The following CSTPP1 variants were observed in gnomAD, a reference collection of about 807,000 sequenced individuals.
CSTPP1 encodes UPF0705 protein C11orf49.
chr11:47,016,839 C>CTTTTTTTT, the CSTPP1 span, among the ~76,000 whole-genome samples: 3 of 99,842 alleles, frequency 3.0e-5, no homozygotes, highest in African/African-American at 3.9e-5. Flanking sequence ...TCATTTAGTA[C>CTTTTTTTT]TTTTTTTTTT....
chr11:47,070,881 C>T, the CSTPP1 span, among the ~76,000 whole-genome samples: 2 of 152,136 alleles, frequency 1.3e-5, no homozygotes, highest in Non-Finnish European at 1.5e-5. Context: ...GCTTTCCAAC[C>T]ACTACTCTCC....
chr11:47,161,409 C>A, the CSTPP1 span: 1 of 1,605,630 alleles, frequency 6.2e-7, no homozygotes, highest in South Asian at 1.1e-5. Context: ...CATGGAGGCC[C>A]TGCTCTCTGT....
the CSTPP1 span, among the ~76,000 whole-genome samples, chr11:46,996,208 T>G: frequency 6.6e-6 from 1 of 152,216 alleles, no homozygotes; most frequent in Non-Finnish European, 1.5e-5. Context: ...TATAGCACAC[T>G]GATGGGTCTT....
At chr11:47,148,763 A>C in the CSTPP1 span, among the ~76,000 whole-genome samples, 2 of 152,180 alleles carry the variant, frequency 1.3e-5, no homozygotes, top group African/African-American at 4.8e-5. Flanking sequence ...CTGACTCTCC[A>C]CAAGAATCCT....
chr11:47,088,713 T>G, the CSTPP1 span, among the ~76,000 whole-genome samples: 5 of 151,974 alleles, frequency 3.3e-5, no homozygotes, highest in African/African-American at 1.2e-4. Flanking sequence ...CACTGGCTAA[T>G]TTTTGTATTT....
the CSTPP1 span, among the ~76,000 whole-genome samples, chr11:47,145,174 G>T: frequency 2.0e-5 from 3 of 151,852 alleles, no homozygotes; most frequent in African/African-American, 7.2e-5. Flanking sequence ...TCTTAGTAGA[G>T]ACTGGGTTTC....
At chr11:47,010,369 C>A in the CSTPP1 span, among the ~76,000 whole-genome samples, 5 of 152,100 alleles carry the variant, frequency 3.3e-5, no homozygotes, top group Admixed American at 3.3e-4. Flanking sequence ...TGTTCTTGGC[C>A]GAAGCAACGG....
chr11:47,084,667 G>T, the CSTPP1 span, among the ~76,000 whole-genome samples: 1 of 151,944 alleles, frequency 6.6e-6, no homozygotes, highest in Non-Finnish European at 1.5e-5. Flanking sequence ...TACTTGTTGT[G>T]GTTCCTTTGT....
At chr11:46,983,108 TCATTAA>T in the CSTPP1 span, among the ~76,000 whole-genome samples, 1 of 152,192 alleles carries the variant, frequency 6.6e-6, no homozygotes, top group African/African-American at 2.4e-5. Flanking sequence ...AATAATATAA[TCATTAA>T]CATGTTACAT....
At chr11:47,069,402 G>A in the CSTPP1 span, among the ~76,000 whole-genome samples, 5 of 152,268 alleles carry the variant, frequency 3.3e-5, no homozygotes, top group South Asian at 4.1e-4. Flanking sequence ...AGCCCAAAAC[G>A]TAATTGTAGT....
chr11:46,961,553 C>T, the CSTPP1 span, among the ~76,000 whole-genome samples: 2 of 152,026 alleles, frequency 1.3e-5, no homozygotes, highest in South Asian at 4.2e-4. Context: ...TTGGTAGTGT[C>T]CTTTGGAGTA....
chr11:47,014,841 G>A, the CSTPP1 span, among the ~76,000 whole-genome samples: 1 of 152,070 alleles, frequency 6.6e-6, no homozygotes, highest in Non-Finnish European at 1.5e-5. Context: ...AGTTAGGGGG[G>A]AAGGGGATGG....
the CSTPP1 span, among the ~76,000 whole-genome samples, chr11:47,003,911 G>T: frequency 6.6e-6 from 1 of 152,126 alleles, no homozygotes; most frequent in Non-Finnish European, 1.5e-5. Context: ...TATTGCTAGG[G>T]ATGATAATAC....
the CSTPP1 span, chr11:47,161,932 C>A: frequency 2.6e-6 from 3 of 1,150,334 alleles, no homozygotes; most frequent in Non-Finnish European, 3.2e-6. Context: ...TCCTCCTAAC[C>A]TCTTAAGAGC....
At chr11:47,054,154 C>G in the CSTPP1 span, among the ~76,000 whole-genome samples, 3 of 147,548 alleles carry the variant, frequency 2.0e-5, no homozygotes, top group African/African-American at 7.5e-5. Context: ...CTAAAAAATA[C>G]AAAAAAATTA....
At chr11:46,939,660 ATAGATAGATAGATAGG>A in the CSTPP1 span, among the ~76,000 whole-genome samples, 32 of 138,954 alleles carry the variant, frequency 2.3e-4, no homozygotes, top group South Asian at 1.8e-3. Context: ...AGATAGATAG[ATAGATAGATAGATAGG>A]TAGATGTTTT....
chr11:47,013,221 A>ATT, the CSTPP1 span, among the ~76,000 whole-genome samples: 2 of 149,246 alleles, frequency 1.3e-5, no homozygotes, highest in East Asian at 3.9e-4. Context: ...TTATATATAT[A>ATT]TATTTATTTA....
the CSTPP1 span, among the ~76,000 whole-genome samples, chr11:47,093,114 C>T: frequency 1.3e-5 from 2 of 152,158 alleles, no homozygotes; most frequent in Non-Finnish European, 2.9e-5. Context: ...CTGCATTACA[C>T]GTATTGTGTT....
the CSTPP1 span, among the ~76,000 whole-genome samples, chr11:47,097,154 T>G: frequency 0.026 from 2,515 of 96,266 alleles, 25 homozygotes; most frequent in East Asian, 0.15. Context: ...GAGGTGGGGG[T>G]GTCAGCCCTC....
Sources: gnomAD v4.1 joint callset for allele counts (sites outside exome capture counted in the v4.1 genomes callset) on GRCh38, gnomAD v4.1.1 for gene constraint, MANE v1.5 for transcripts, NCBI Gene and HGNC (gene_info 2026-07-23, HGNC 2026-07-21) for gene names.